Variants in SAMSN1 observed in about 807,000 individuals in gnomAD.
The protein encoded by SAMSN1 is SAM domain, SH3 domain and nuclear localization signals 1.
In SAMSN1, 31 loss-of-function variants were observed where a neutral mutation model predicts 42.0. The ratio of observed to expected loss-of-function variants is 0.74; its 90% CI spans 0.55 to 1.00. The LOEUF (loss-of-function observed/expected upper bound fraction) is 1.00. Among genes scored for constraint, SAMSN1 ranks in the 50% least tolerant of loss-of-function variants. The probability of loss-of-function intolerance (pLI) is 0.00; values close to 1 mark genes in which losing one functional copy is unlikely to be tolerated. For synonymous variants in SAMSN1, 178 were observed against 151.9 expected, an observed-to-expected ratio of 1.17 and a Z score of -1.26; for missense variants, 464 against 439.4, an observed-to-expected ratio of 1.06 and a Z score of -0.50.
intron 2 of SAMSN1, among the ~76,000 whole-genome samples, chr21:14,638,158 A>C (rs17003835): frequency 0.027 from 4,065 of 152,254 alleles, 173 homozygotes; most frequent in African/African-American, 0.09. Flanking sequence ...AGATTATACG[A>C]ATCCTTGTGA....
At chr21:14,551,294 G>C (rs1361115870), upstream of SAMSN1, among the ~76,000 whole-genome samples, 1 of 152,008 alleles carries the variant, frequency 6.6e-6, no homozygotes, top group Non-Finnish European at 1.5e-5. Context: ...AGATCATTGG[G>C]ATAAATAGAA....
intron 7 of SAMSN1, among the ~76,000 whole-genome samples, chr21:14,589,284 C>T (rs1187454756): frequency 6.6e-6 from 1 of 151,920 alleles, no homozygotes; most frequent in Non-Finnish European, 1.5e-5. Flanking sequence ...GTGGCTTACT[C>T]AAGGAAAGAT....
chr21:14,508,991 G>A (rs374966797), intron 5 of SAMSN1, among the ~76,000 whole-genome samples: 22 of 151,974 alleles, frequency 1.4e-4, no homozygotes, highest in East Asian at 1.2e-3. Flanking sequence ...AGCTGGGTGC[G>A]GTGGCCTCCA....
chr21:14,547,850 G>A (rs915820684), upstream of SAMSN1, among the ~76,000 whole-genome samples: 1 of 152,094 alleles, frequency 6.6e-6, no homozygotes, highest in Non-Finnish European at 1.5e-5. Context: ...AGAATTGAAA[G>A]AATATACTTT....
At chr21:14,577,079 G>A (rs1475685262) in intron 2 of SAMSN1, among the ~76,000 whole-genome samples, 5 of 108,394 alleles carry the variant, frequency 4.6e-5, no homozygotes, top group Non-Finnish European at 9.0e-5. Context: ...TTTTTGAGAC[G>A]GAATCTCACT....
At chr21:14,488,032 G>T (rs1002103527) in intron 7 of SAMSN1, among the ~76,000 whole-genome samples, 3 of 151,668 alleles carry the variant, frequency 2.0e-5, no homozygotes, top group Non-Finnish European at 2.9e-5. Flanking sequence ...ACTAAAATGG[G>T]ACCTCATTCT....
At chr21:14,531,073 T>C (rs549917393) in intron 1 of SAMSN1, among the ~76,000 whole-genome samples, 5 of 152,142 alleles carry the variant, frequency 3.3e-5, no homozygotes, top group South Asian at 2.1e-4. Context: ...ATTCTACAAA[T>C]AAATAATTCT....
chr21:14,650,989 A>G (rs1410596189), intron 1 of SAMSN1, among the ~76,000 whole-genome samples: 2 of 151,974 alleles, frequency 1.3e-5, no homozygotes, highest in African/African-American at 4.8e-5. Context: ...GGAAATCCAA[A>G]ACCTGAAAAG....
At chr21:14,494,162 C>G (rs1986811603) in intron 7 of SAMSN1, among the ~76,000 whole-genome samples, 1 of 152,142 alleles carries the variant, frequency 6.6e-6, no homozygotes, top group Non-Finnish European at 1.5e-5. Context: ...CGATCCCTCA[C>G]AGATCTAGAA....
At position 14,622,060 on chromosome 21, in the gene SAMSN1, G is replaced by A. The variant is rs751198030; in HGVS notation, c.157-6044C>T. On this transcript the variant is annotated intron_variant, in intron 2 of 15. Transcript: ENST00000647101. ...AAACACCAACATACCTGCAGCTGAG[G>A]GTCCTGACTGCTAGAAGGAAAACTA... 9.7e-4 allele frequency among the ~76,000 whole-genome samples: 147 copies of A among 152,318 alleles called. 1 individual carries two copies. Among genetic ancestry groups the A allele is most frequent in the Non-Finnish European group, 1.6e-3 (107 of 68,028 alleles).
intron 2 of SAMSN1, among the ~76,000 whole-genome samples, chr21:14,556,867 T>C (rs889175580): frequency 2.6e-5 from 4 of 152,212 alleles, no homozygotes; most frequent in African/African-American, 4.8e-5. Flanking sequence ...GCCATGTTTA[T>C]GAGAAATGAA....
chr21:14,604,013 G>A (rs941772118), intron 5 of SAMSN1, among the ~76,000 whole-genome samples: 13 of 152,172 alleles, frequency 8.5e-5, no homozygotes, highest in Non-Finnish European at 7.4e-5. Flanking sequence ...AATAAATTCA[G>A]CTATAGAGGT....
At chr21:14,638,290 C>T (rs1055383225) in intron 2 of SAMSN1, among the ~76,000 whole-genome samples, 1 of 152,104 alleles carries the variant, frequency 6.6e-6, no homozygotes, top group African/African-American at 2.4e-5. Context: ...ATCATCATTA[C>T]AAAATTATTA....
chr21:14,510,881 T>C (rs1220369643), intron 4 of SAMSN1, among the ~76,000 whole-genome samples: 4 of 152,268 alleles, frequency 2.6e-5, no homozygotes, highest in East Asian at 1.9e-4. Flanking sequence ...TTGCTTGTTG[T>C]ATGAGTGCAA....
intron 7 of SAMSN1, among the ~76,000 whole-genome samples, chr21:14,497,644 A>C (rs554259565): frequency 3.3e-5 from 5 of 152,244 alleles, no homozygotes; most frequent in Admixed American, 2.6e-4. Context: ...GTATTTTTTG[A>C]TAGAGAAGGC....
chr21:14,537,474 T>G (rs1979703428), intron 1 of SAMSN1, among the ~76,000 whole-genome samples: 1 of 152,366 alleles, frequency 6.6e-6, no homozygotes, highest in Non-Finnish European at 1.5e-5. Flanking sequence ...TATGGTATCT[T>G]TTGTTCACCT....
In SAMSN1 at chr21:14,621,663, A is replaced by T. The variant is rs576435762; in HGVS notation, c.157-5647T>A. ...GGGTGGAGCCCACCGCAGCTCAAGG[A>T]GGCCTGCCTGCCTCTGTAGACTCCA... On this transcript the variant is annotated intron_variant, in intron 2 of 15. Coordinates refer to the SAMSN1 transcript ENST00000647101. Among the ~76,000 whole-genome samples, 6 of 152,300 alleles carry T rather than the reference A, an allele frequency of 3.9e-5. No homozygotes were observed. In the East Asian group the frequency reaches 1.2e-3, roughly 29 times the overall value.
intron 2 of SAMSN1, among the ~76,000 whole-genome samples, chr21:14,624,219 A>G (rs1338910261): frequency 6.6e-6 from 1 of 152,218 alleles, no homozygotes; most frequent in African/African-American, 2.4e-5. Flanking sequence ...TAAAAGAACT[A>G]GAGAATCAAG....
intron 2 of SAMSN1, among the ~76,000 whole-genome samples, chr21:14,627,277 G>GA (rs57307763): frequency 0.97 from 145,724 of 150,908 alleles, 70,364 homozygotes; most frequent in East Asian, 1. Context: ...AAAGTATAAT[G>GA]AAAAAAAAAG....
Sources: gnomAD v4.1 joint callset for allele counts (sites outside exome capture counted in the v4.1 genomes callset) on GRCh38, gnomAD v4.1.1 for gene constraint, MANE v1.5 for transcripts, NCBI Gene and HGNC (gene_info 2026-07-23, HGNC 2026-07-21) for gene names.